The following OSBP2 variants were observed in gnomAD, a reference collection of about 807,000 sequenced individuals.
The protein encoded by OSBP2 is oxysterol-binding protein 2.
Under a neutral mutation model 96.0 loss-of-function variants are expected in OSBP2, and 66 were observed. The observed-to-expected ratio is 0.69, with a 90% CI of 0.56 to 0.84. OSBP2 has a LOEUF of 0.84. Ranked by LOEUF, OSBP2 falls within the 40% of genes least tolerant of loss-of-function variation. The pLI is 0.00. For synonymous variants in OSBP2, 525 were observed against 520.9 expected (o/e 1.01, Z -0.11); for missense variants, 1,038 against 1,222.7 (o/e 0.85, Z 2.25).
chr22:30,697,687 G>A (rs2145660800), intron 1 of OSBP2, among the ~76,000 whole-genome samples: 1 of 152,324 alleles, frequency 6.6e-6, no homozygotes, highest in East Asian at 1.9e-4. Flanking sequence ...AGGAGGGAGT[G>A]AGAACAAGTT....
rs10427877 is a variant in OSBP2, at chr22:30,747,977, G to A, written c.853+6608G>A. 6.6e-3 allele frequency among the ~76,000 whole-genome samples: 982 copies of A among 149,232 alleles called. 10 individuals are homozygous for A. The highest frequency in any genetic ancestry group is 0.023 in the African/African-American group (932 of 40,428). ...GCTCACTGCAACCTCCATCTCCTGG[G>A]TTCAAGTGATTCTCCTGCCTCAGTC... On this transcript the variant is annotated intron_variant, in intron 2 of 13. Transcript: ENST00000332585.
chr22:30,884,693 G>T (rs1445442478), intron 3 of OSBP2, among the ~76,000 whole-genome samples: 1 of 152,040 alleles, frequency 6.6e-6, no homozygotes, highest in African/African-American at 2.4e-5. Flanking sequence ...CTCCCTGTGG[G>T]GTGGGCGAGT....
chr22:30,737,277 A>C (rs1373514528), intron 1 of OSBP2, among the ~76,000 whole-genome samples: 1 of 150,584 alleles, frequency 6.6e-6, no homozygotes, highest in Non-Finnish European at 1.5e-5. Context: ...CGGCGTCCCA[A>C]AGTGCTGGGA....
chr22:30,849,712 AT>A (rs1402182202), intron 2 of OSBP2, among the ~76,000 whole-genome samples: 1 of 152,172 alleles, frequency 6.6e-6, no homozygotes, highest in Non-Finnish European at 1.5e-5. Flanking sequence ...TCTTTCTGAG[AT>A]CACATGATTT....
intron 1 of OSBP2, among the ~76,000 whole-genome samples, chr22:30,718,839 A>G (rs1475872399): frequency 1.3e-5 from 2 of 152,124 alleles, no homozygotes; most frequent in African/African-American, 4.8e-5. Flanking sequence ...AACAGGGCTG[A>G]TGGTGTGTTC....
intron 12 of OSBP2, among the ~76,000 whole-genome samples, chr22:30,901,734 A>G (rs2040200197): frequency 6.6e-6 from 1 of 152,056 alleles, no homozygotes; most frequent in South Asian, 2.1e-4. Flanking sequence ...GCGTGGTGGC[A>G]CACACCTGTA....
At chr22:30,896,007 TTTTG>T (rs1039609588) in intron 12 of OSBP2, among the ~76,000 whole-genome samples, 9 of 148,900 alleles carry the variant, frequency 6.0e-5, no homozygotes, top group African/African-American at 1.5e-4. Context: ...AATAAAGGGG[TTTTG>T]TTTGTTTTTT....
At position 30,893,934 on chromosome 22, in the gene OSBP2, G is replaced by T; in HGVS notation, c.2308G>T (p.Asp770Tyr). 1 of 1,598,396 alleles carries T rather than the reference G, an allele frequency of 6.3e-7. No homozygotes were observed. Residue 770 changes from aspartate (D) to tyrosine (Y), a missense_variant, in exon 12 of 14, where the codon GAC becomes TAC. By Grantham distance (160) the Asp-to-Tyr change is radical. This residue lies in a region of OSBP2 where 737 missense variants were observed against 913.3 expected (regional missense o/e 0.81). Coordinates refer to ENST00000332585, the MANE Select transcript of OSBP2 (RefSeq NM_030758.4). The stretch of plus-strand genomic sequence containing the variant: ...TAGCAGTCCCAGCAGCCCCAGCTCT[G>T]ACGGGAAGCAGAAGACAGTGTACCA... ...MHSSPSSPSS[D>Y]GKQKTVYQTL...
chr22:30,804,679 T>C (rs1215516583), intron 2 of OSBP2, among the ~76,000 whole-genome samples: 1 of 152,228 alleles, frequency 6.6e-6, no homozygotes, highest in African/African-American at 2.4e-5. Context: ...ACTGCGCATC[T>C]GACATATACT....
At chr22:30,863,857 G>A (rs1466394738) in intron 2 of OSBP2, among the ~76,000 whole-genome samples, 1 of 152,200 alleles carries the variant, frequency 6.6e-6, no homozygotes, top group East Asian at 1.9e-4. Flanking sequence ...GGAGTGGGGA[G>A]CAGCGCGAGG....
At chr22:30,792,818 C>T (rs973433438) in intron 2 of OSBP2, among the ~76,000 whole-genome samples, 2 of 152,202 alleles carry the variant, frequency 1.3e-5, no homozygotes, top group Non-Finnish European at 2.9e-5. Context: ...TCATATTCCC[C>T]AGCCAGCCTA....
At chr22:30,736,914 G>A (rs1474690426) in intron 1 of OSBP2, among the ~76,000 whole-genome samples, 2 of 152,198 alleles carry the variant, frequency 1.3e-5, no homozygotes, top group African/African-American at 4.8e-5. Context: ...TATGATCACT[G>A]CTGGGTAACT....
chr22:30,728,360 A>C (rs1461866568), intron 1 of OSBP2, among the ~76,000 whole-genome samples: 3 of 147,270 alleles, frequency 2.0e-5, no homozygotes, highest in African/African-American at 5.1e-5. Flanking sequence ...GCGCCACTGC[A>C]CTCCAGCCTG....
chr22:30,793,943 A>G (rs573948415), intron 2 of OSBP2, among the ~76,000 whole-genome samples: 3 of 152,366 alleles, frequency 2.0e-5, no homozygotes, highest in African/African-American at 7.2e-5. Flanking sequence ...ATGAATGGAT[A>G]AACAAAATGT....
intron 2 of OSBP2, among the ~76,000 whole-genome samples, chr22:30,790,448 G>A (rs577021151): frequency 6.6e-6 from 1 of 152,194 alleles, no homozygotes; most frequent in Admixed American, 6.5e-5. Flanking sequence ...CAAAGCCAGA[G>A]GCTCCTCATT....
intron 2 of OSBP2, among the ~76,000 whole-genome samples, chr22:30,811,362 T>C (rs985511894): frequency 6.8e-5 from 9 of 132,866 alleles, no homozygotes; most frequent in Non-Finnish European, 1.1e-4. Context: ...ATTTATTTAT[T>C]TGAGACAGGG....
chr22:30,763,421 C>T, intron 2 of OSBP2, among the ~76,000 whole-genome samples: 1 of 152,106 alleles, frequency 6.6e-6, no homozygotes, highest in East Asian at 1.9e-4. Flanking sequence ...CTGAAGTGGA[C>T]AGATCACTTG....
intron 1 of OSBP2, among the ~76,000 whole-genome samples, chr22:30,730,770 CTCTCTATATATATATATA>C (rs2089752482): frequency 7.4e-5 from 2 of 26,930 alleles, no homozygotes; most frequent in African/African-American, 2.8e-4. Flanking sequence ...CTCTCTCTCT[CTCTCTATATATATATATA>C]TATATATATA....
chr22:30,844,179 T>G (rs1283489777), intron 2 of OSBP2, among the ~76,000 whole-genome samples: 1 of 152,158 alleles, frequency 6.6e-6, no homozygotes, highest in African/African-American at 2.4e-5. Flanking sequence ...CTGGCCAAAT[T>G]TAGCATAATT....
Sources: allele counts gnomAD v4.1 joint callset (sites outside exome capture counted in the v4.1 genomes callset), GRCh38; gene constraint gnomAD v4.1.1; regional missense constraint gnomAD v4.1.1; transcripts MANE v1.5; gene names NCBI Gene and HGNC (gene_info 2026-07-23, HGNC 2026-07-21).